The following UBR3 variants were observed in gnomAD, a reference collection of about 807,000 sequenced individuals.
UBR3 encodes the protein E3 ubiquitin-protein ligase UBR3.
Under a neutral mutation model 243.2 loss-of-function variants are expected in UBR3, and 85 were observed. That is an observed-to-expected ratio of 0.35 (90% CI 0.29 to 0.42). The LOEUF (loss-of-function observed/expected upper bound fraction) is 0.42. Ranked by LOEUF, UBR3 falls within the 10% of genes least tolerant of loss-of-function variation. The pLI, the probability that UBR3 is intolerant of heterozygous loss-of-function variation, is 1.00. For missense variants in UBR3, 1,686 were observed against 2,300.8 expected (o/e 0.73, Z 5.47); for synonymous variants, 748 against 799.8 (o/e 0.94, Z 1.09).
At chr2:170,069,030 T>C (rs905791267) in intron 35 of UBR3, among the ~76,000 whole-genome samples, 3 of 152,114 alleles carry the variant, frequency 2.0e-5, no homozygotes, top group Non-Finnish European at 2.9e-5. Flanking sequence ...AAAGATAACA[T>C]TGTGGTAAAC....
chr2:170,041,506 AT>A (rs1227092640), intron 32 of UBR3, among the ~76,000 whole-genome samples: 1 of 152,200 alleles, frequency 6.6e-6, no homozygotes, highest in Non-Finnish European at 1.5e-5. Context: ...GTTATTAAAA[AT>A]AGTCTCATCA....
intron 18 of UBR3, among the ~76,000 whole-genome samples, chr2:169,931,307 C>T (rs1029670218): frequency 4.2e-5 from 6 of 141,682 alleles, no homozygotes; most frequent in Admixed American, 1.5e-4. Flanking sequence ...GCCGAGATCG[C>T]GCCACTGTAC....
chr2:170,069,940 T>C (rs1053716326), intron 35 of UBR3, among the ~76,000 whole-genome samples: 3 of 152,140 alleles, frequency 2.0e-5, no homozygotes, highest in Admixed American at 1.3e-4. Context: ...AGATTACTTA[T>C]AATACCTAAT....
At chr2:169,907,658 A>G (rs2085069646) in intron 10 of UBR3, among the ~76,000 whole-genome samples, 2 of 152,176 alleles carry the variant, frequency 1.3e-5, no homozygotes, top group South Asian at 2.1e-4. Flanking sequence ...CTTAAAAATC[A>G]TTCAAGTTCT....
intron 19 of UBR3, among the ~76,000 whole-genome samples, chr2:169,935,293 G>A (rs778119374): frequency 6.6e-6 from 1 of 152,132 alleles, no homozygotes; most frequent in Non-Finnish European, 1.5e-5. Flanking sequence ...ACCCCCCTGA[G>A]TAGCTAGGAC....
At chr2:169,832,066 T>A (rs2081958041) in intron 1 of UBR3, among the ~76,000 whole-genome samples, 3 of 152,224 alleles carry the variant, frequency 2.0e-5, no homozygotes, top group Non-Finnish European at 4.4e-5. Context: ...CTTGAATCTA[T>A]CACAGCTGTA....
In UBR3 at chr2:169,828,134, C is replaced by A. The variant is rs553328498; in HGVS notation, c.545+82C>A. The A allele has an allele frequency of 3.6e-5, 47 of 1,307,120 alleles. No individual in the cohort carries two copies. In the East Asian group the frequency reaches 1.5e-3, roughly 40 times the overall value. The allele number at this position is 1,307,120 out of a possible 1,614,324, so 81.0% of individuals were successfully genotyped here. On this transcript the variant is annotated intron_variant, in intron 1 of 38. Transcript: ENST00000272793. ...GGCCTGGAGCGGAGCACTGGGAGCC[C>A]ACTCTGAGCTGTCAAGGGGAGGGTG... is the stretch of plus-strand genomic sequence containing the variant.
At chr2:169,936,652 C>T (rs1268428064) in intron 19 of UBR3, among the ~76,000 whole-genome samples, 3 of 152,032 alleles carry the variant, frequency 2.0e-5, no homozygotes, top group Non-Finnish European at 4.4e-5. Flanking sequence ...GGTATATCTC[C>T]TAATGCTATC....
intron 24 of UBR3, among the ~76,000 whole-genome samples, chr2:169,986,124 C>G (rs1021852170): frequency 6.6e-6 from 1 of 152,012 alleles, no homozygotes; most frequent in Non-Finnish European, 1.5e-5. Context: ...TTTATGATTT[C>G]CCTACATTAA....
intron 25 of UBR3, among the ~76,000 whole-genome samples, chr2:169,989,943 T>C (rs1379829482): frequency 1.4e-4 from 22 of 152,130 alleles, no homozygotes; most frequent in Admixed American, 1.4e-3. Flanking sequence ...TTTCTACATT[T>C]TTTGGTGTGG....
At chr2:170,077,001 T>C (rs2091824060) in intron 36 of UBR3, among the ~76,000 whole-genome samples, 1 of 152,218 alleles carries the variant, frequency 6.6e-6, no homozygotes, top group Admixed American at 6.5e-5. Context: ...TAAACCGTAC[T>C]AGAGGTTAGA....
At chr2:169,950,457 C>T (rs961038977) in intron 23 of UBR3, among the ~76,000 whole-genome samples, 2 of 151,798 alleles carry the variant, frequency 1.3e-5, no homozygotes, top group African/African-American at 4.8e-5. Context: ...TTCTTTTGGT[C>T]TTTTCTAATC....
intron 18 of UBR3, among the ~76,000 whole-genome samples, chr2:169,930,376 T>A (rs143625102): frequency 1.3e-5 from 2 of 151,794 alleles, no homozygotes; most frequent in African/African-American, 4.8e-5. Flanking sequence ...TTTAGGAAAT[T>A]AGTTGTTTTT....
At chr2:169,939,425 A>AT (rs2086484333) in intron 19 of UBR3, among the ~76,000 whole-genome samples, 1 of 65,362 alleles carries the variant, frequency 1.5e-5, no homozygotes, top group African/African-American at 7.1e-5. Flanking sequence ...CGCCCGGCTA[A>AT]TTTTTTGTAT....
intron 35 of UBR3, among the ~76,000 whole-genome samples, chr2:170,070,920 A>G (rs2091684038): frequency 6.6e-6 from 1 of 152,164 alleles, no homozygotes; most frequent in Non-Finnish European, 1.5e-5. Flanking sequence ...TTTTAACTCA[A>G]GTGTAAGAAA....
rs1176417873 is a variant in UBR3, at chr2:170,076,627, G to T, written c.5199+3020G>T. The stretch of plus-strand genomic sequence containing the variant: ...CAAAGATATATGATACAGTAAGCAA[G>T]ATTTGCAAGTAGTCATAAAGCTGCA... On this transcript the variant is annotated intron_variant, in intron 36 of 38. Coordinates refer to ENST00000272793, the MANE Select transcript of UBR3 (RefSeq NM_172070.4). 4.6e-5 allele frequency among the ~76,000 whole-genome samples: 7 copies of T among 152,322 alleles called. No homozygotes were observed. The East Asian group carries it at 1.2e-3, about 25-fold the overall frequency.
chr2:169,872,246 A>C lies in UBR3; in HGVS notation c.556A>C (p.Arg186=). The C allele has an allele frequency of 2.6e-6, 4 of 1,521,042 alleles. No individual in the cohort carries two copies. Among genetic ancestry groups the C allele is most frequent in the Non-Finnish European group, 3.5e-6 (4 of 1,134,458 alleles). The allele number at this position is 1,521,042 out of a possible 1,614,324, so 94.2% of individuals were successfully genotyped here. ...NVMRESGFCK[R]HQIKSSSNIP... ...TTTTTCATATTACAGGTTTTGCAAA[A>C]GGCATCAAATTAAATCAAGTTCAAA... The change falls in exon 2 of 39, where the codon AGG becomes CGG. Residue 186 remains arginine, a synonymous_variant. Transcript: ENST00000272793.
intron 24 of UBR3, among the ~76,000 whole-genome samples, chr2:169,981,339 A>T (rs2088720984): frequency 6.6e-6 from 1 of 152,120 alleles, no homozygotes; most frequent in Non-Finnish European, 1.5e-5. Flanking sequence ...AGCAGTGGTA[A>T]TTCATGTTAA....
intron 5 of UBR3, among the ~76,000 whole-genome samples, chr2:169,883,436 C>T (rs2083969852): frequency 6.6e-6 from 1 of 152,310 alleles, no homozygotes; most frequent in South Asian, 2.1e-4. Flanking sequence ...TGTGGTGTCA[C>T]TTCATCCTTT....
Sources: gnomAD v4.1 joint callset for allele counts (sites outside exome capture counted in the v4.1 genomes callset) on GRCh38, gnomAD v4.1.1 for gene constraint, MANE v1.5 for transcripts, NCBI Gene and HGNC (gene_info 2026-07-23, HGNC 2026-07-21) for gene names.